LSAMP: variants seen among roughly 807,000 people sequenced by gnomAD.
LSAMP encodes limbic system associated membrane protein.
Under a neutral mutation model 38.6 loss-of-function variants are expected in LSAMP, and 7 were observed. The observed-to-expected ratio is 0.18, with a 90% CI of 0.10 to 0.34. The LOEUF (loss-of-function observed/expected upper bound fraction) is 0.34. LSAMP is among the 10% of genes least tolerant of loss of function. The probability of loss-of-function intolerance (pLI) is 1.00; values close to 1 mark genes in which losing one functional copy is unlikely to be tolerated. For synonymous variants in LSAMP, 154 were observed against 166.8 expected (o/e 0.92, Z 0.59); for missense variants, 313 against 420.0 (o/e 0.75, Z 2.23).
intron 2 of LSAMP, among the ~76,000 whole-genome samples, chr3:116,050,318 T>G (rs945256516): frequency 1.3e-5 from 2 of 152,134 alleles, no homozygotes; most frequent in African/African-American, 4.8e-5. Flanking sequence ...AGCTTCCTGA[T>G]GTTACTAGCC....
chr3:116,075,271 G>C (rs1183951314), intron 2 of LSAMP, among the ~76,000 whole-genome samples: 1 of 151,566 alleles, frequency 6.6e-6, no homozygotes, highest in Non-Finnish European at 1.5e-5. Context: ...CAAGTAGCTG[G>C]GACTACAGGC....
intron 1 of LSAMP, among the ~76,000 whole-genome samples, chr3:116,437,370 C>A (rs948981630): frequency 1.1e-4 from 17 of 151,640 alleles, no homozygotes; most frequent in Admixed American, 1.1e-3. Flanking sequence ...CTCATGTAAG[C>A]AAATACCACC....
chr3:116,335,564 A>G (rs2047909072), intron 1 of LSAMP, among the ~76,000 whole-genome samples: 1 of 152,066 alleles, frequency 6.6e-6, no homozygotes, highest in Admixed American at 6.6e-5. Context: ...ACTTTTGCAT[A>G]TGCAGATGTC....
chr3:116,025,314 T>A (rs540947554), intron 2 of LSAMP, among the ~76,000 whole-genome samples: 15 of 152,248 alleles, frequency 9.9e-5, no homozygotes, highest in African/African-American at 3.4e-4. Flanking sequence ...TTGTTTTTCT[T>A]ACTGATTAAT....
chr3:115,988,908 A>G (rs1269846907), intron 3 of LSAMP, among the ~76,000 whole-genome samples: 5 of 152,072 alleles, frequency 3.3e-5, no homozygotes, highest in African/African-American at 1.2e-4. Flanking sequence ...CTTGAAAACA[A>G]TTAAAACTCT....
intron 2 of LSAMP, among the ~76,000 whole-genome samples, chr3:116,034,330 C>T (rs1183248365): frequency 6.6e-6 from 1 of 152,056 alleles, no homozygotes; most frequent in East Asian, 1.9e-4. Context: ...CAGGAATATT[C>T]TTGATTCTCA....
chr3:116,377,525 G>A (rs2048509244), intron 1 of LSAMP, among the ~76,000 whole-genome samples: 1 of 151,952 alleles, frequency 6.6e-6, no homozygotes, highest in African/African-American at 2.4e-5. Context: ...ATTTTGAATA[G>A]TGCTGCAATA....
chr3:116,437,056 C>T (rs866247332), intron 1 of LSAMP, among the ~76,000 whole-genome samples: 3 of 132,166 alleles, frequency 2.3e-5, no homozygotes, highest in African/African-American at 6.0e-5. Flanking sequence ...TATATATATA[C>T]ACACACACAA....
At chr3:115,965,386 C>G (rs925630115) in intron 3 of LSAMP, among the ~76,000 whole-genome samples, 2 of 151,474 alleles carry the variant, frequency 1.3e-5, no homozygotes, top group African/African-American at 4.8e-5. Flanking sequence ...AATTCTAACT[C>G]ATTGAAATGC....
intron 1 of LSAMP, among the ~76,000 whole-genome samples, chr3:116,297,455 T>A (rs2047351706): frequency 6.6e-6 from 1 of 152,196 alleles, no homozygotes; most frequent in African/African-American, 2.4e-5. Context: ...AAACTTTCTT[T>A]GATACATGAA....
chr3:116,285,799 C>A (rs1387130121), intron 1 of LSAMP, among the ~76,000 whole-genome samples: 1 of 152,086 alleles, frequency 6.6e-6, no homozygotes, highest in Non-Finnish European at 1.5e-5. Context: ...CCACTCCTCA[C>A]CCCACTACAC....
intron 1 of LSAMP, among the ~76,000 whole-genome samples, chr3:116,267,389 T>C (rs2046905966): frequency 6.6e-6 from 1 of 152,110 alleles, no homozygotes; most frequent in African/African-American, 2.4e-5. Context: ...TATGTTGCTG[T>C]TTCCCCAGTG....
At chr3:115,920,551 A>C (rs1937358706) in intron 3 of LSAMP, among the ~76,000 whole-genome samples, 1 of 152,050 alleles carries the variant, frequency 6.6e-6, no homozygotes, top group South Asian at 2.1e-4. Context: ...TTCTTAGATC[A>C]GGTTTTTTGT....
intron 2 of LSAMP, among the ~76,000 whole-genome samples, chr3:116,085,095 GGT>G (rs1448207660): frequency 6.6e-6 from 1 of 152,012 alleles, no homozygotes; most frequent in Non-Finnish European, 1.5e-5. Context: ...TCCATACCCT[GGT>G]GTCTTTCTTG....
At chr3:116,214,435 G>C (rs1471275095) in intron 1 of LSAMP, among the ~76,000 whole-genome samples, 1 of 151,548 alleles carries the variant, frequency 6.6e-6, no homozygotes. Context: ...GTTATATCCT[G>C]TGGCACAAGG....
intron 3 of LSAMP, among the ~76,000 whole-genome samples, chr3:115,881,277 T>G (rs753514970): frequency 6.6e-6 from 1 of 152,112 alleles, no homozygotes; most frequent in Non-Finnish European, 1.5e-5. Context: ...GCCTGGACAC[T>G]CTTGAAAACC....
intron 3 of LSAMP, among the ~76,000 whole-genome samples, chr3:116,016,605 A>C (rs887431747): frequency 2.1e-4 from 32 of 152,188 alleles, no homozygotes; most frequent in African/African-American, 7.7e-4. Context: ...TAAAGGGCCT[A>C]ATAGAAAATA....
intron 1 of LSAMP, among the ~76,000 whole-genome samples, chr3:116,298,732 A>G (rs1201366497): frequency 6.6e-6 from 1 of 152,170 alleles, no homozygotes; most frequent in Non-Finnish European, 1.5e-5. Flanking sequence ...AGACAGAAAT[A>G]ATTTTCAAGT....
At chr3:116,056,181 A>G (rs1941487671) in intron 2 of LSAMP, among the ~76,000 whole-genome samples, 1 of 152,170 alleles carries the variant, frequency 6.6e-6, no homozygotes, top group African/African-American at 2.4e-5. Context: ...CTGCTACATG[A>G]AAGACTATAA....
Sources: allele counts gnomAD v4.1 joint callset (sites outside exome capture counted in the v4.1 genomes callset), GRCh38; gene constraint gnomAD v4.1.1; transcripts MANE v1.5; gene names NCBI Gene and HGNC (gene_info 2026-07-23, HGNC 2026-07-21).